The following CTNNA2 variants were observed in gnomAD, a reference collection of about 807,000 sequenced individuals.
The protein encoded by CTNNA2 is catenin alpha 2, also known as catenin alpha-2.
In CTNNA2, 42 loss-of-function variants were observed where a neutral mutation model predicts 101.0. That is an observed-to-expected ratio of 0.42 (90% CI 0.32 to 0.54). The LOEUF (loss-of-function observed/expected upper bound fraction) is 0.54, where lower values mean the gene tolerates loss of function less well. Among genes scored for constraint, CTNNA2 ranks in the 20% least tolerant of loss-of-function variants. The probability of loss-of-function intolerance (pLI) is 0.14; values close to 1 mark genes in which losing one functional copy is unlikely to be tolerated. For synonymous variants in CTNNA2, 450 were observed against 456.4 expected (o/e 0.99, Z 0.18); for missense variants, 871 against 1,223.1 (o/e 0.71, Z 4.29).
intron 2 of CTNNA2, among the ~76,000 whole-genome samples, chr2:79,208,428 G>T (rs1674128246): frequency 6.6e-6 from 1 of 152,128 alleles, no homozygotes; most frequent in Non-Finnish European, 1.5e-5. Flanking sequence ...TTGTTTTTCA[G>T]CTAAATCTAT....
chr2:79,943,084 G>T (rs1163043546), intron 7 of CTNNA2, among the ~76,000 whole-genome samples: 3 of 152,098 alleles, frequency 2.0e-5, no homozygotes, highest in Non-Finnish European at 1.5e-5. Flanking sequence ...GGGCATTGTG[G>T]CACGTGCCTG....
intron 1 of CTNNA2, among the ~76,000 whole-genome samples, chr2:79,634,023 G>A (rs551207017): frequency 6.6e-6 from 1 of 152,318 alleles, no homozygotes; most frequent in East Asian, 1.9e-4. Context: ...AATCATTTTA[G>A]TGCTAAAGGG....
At chr2:79,797,798 A>G (rs902372260) in intron 3 of CTNNA2, among the ~76,000 whole-genome samples, 2 of 152,062 alleles carry the variant, frequency 1.3e-5, no homozygotes, top group Non-Finnish European at 2.9e-5. Flanking sequence ...AATATGTTCC[A>G]GTTTCCTTAT....
At chr2:79,432,453 G>T (rs1678668459) in intron 4 of CTNNA2, among the ~76,000 whole-genome samples, 1 of 152,140 alleles carries the variant, frequency 6.6e-6, no homozygotes, top group Non-Finnish European at 1.5e-5. Flanking sequence ...TAATTATCTA[G>T]ATTTATGTTA....
intron 9 of CTNNA2, among the ~76,000 whole-genome samples, chr2:80,508,606 C>G (rs1688461344): frequency 6.6e-6 from 1 of 151,144 alleles, no homozygotes; most frequent in Non-Finnish European, 1.5e-5. Flanking sequence ...TGGATCAACT[C>G]TTATCAGACC....
In CTNNA2 at chr2:79,744,351, G is replaced by A. The variant is rs17017796; in HGVS notation, c.103-36G>A. 11,548 of 1,552,530 alleles carry A rather than the reference G, an allele frequency of 7.4e-3. 705 individuals are homozygous for A. The African/African-American group carries it at 0.14, about 19-fold the overall frequency. On this transcript the variant is annotated intron_variant, in intron 2 of 18. Transcript: ENST00000402739. ...TAACATGACATTTCTAGACAGTTTTGCAAAGAAGTTTTACAGTTTCTCTTT... is the reference window on the plus strand; with the variant it reads ...TAACATGACATTTCTAGACAGTTTTACAAAGAAGTTTTACAGTTTCTCTTT...
rs76064860 is a variant in CTNNA2 at position 79,522,371 on chromosome 2, G to A, written c.-6+9164G>A. Among the ~76,000 whole-genome samples the A allele has an allele frequency of 5.6e-3, 846 of 152,268 alleles. 10 individuals are homozygous for A. The highest frequency in any genetic ancestry group is 0.019 in the African/African-American group (800 of 41,558). ...CTGTTTTGAGGGGCACGGTCCTGGA[G>A]CCATACGTGAGTAAGACACAGTGCC... On this transcript the variant is annotated intron_variant, in intron 1 of 18. Transcript: ENST00000402739.
At chr2:80,312,743 A>AT (rs1327210200) in intron 7 of CTNNA2, among the ~76,000 whole-genome samples, 1 of 152,176 alleles carries the variant, frequency 6.6e-6, no homozygotes, top group African/African-American at 2.4e-5. Flanking sequence ...GTTTTATAGA[A>AT]TTTTACAGAT....
chr2:79,269,807 A>G (rs1423641567), intron 2 of CTNNA2, among the ~76,000 whole-genome samples: 1 of 152,120 alleles, frequency 6.6e-6, no homozygotes, highest in African/African-American at 2.4e-5. Context: ...GGCAAGAACT[A>G]TATTTTCTTC....
At chr2:79,280,632 T>C (rs1675340842) in intron 2 of CTNNA2, among the ~76,000 whole-genome samples, 1 of 140,174 alleles carries the variant, frequency 7.1e-6, no homozygotes, top group African/African-American at 2.9e-5. Context: ...GCTGTGTGTG[T>C]GTGTGTGTGT....
chr2:79,695,743 A>T (rs1684613897), intron 2 of CTNNA2, among the ~76,000 whole-genome samples: 1 of 152,006 alleles, frequency 6.6e-6, no homozygotes, highest in African/African-American at 2.4e-5. Flanking sequence ...TTAGAGAAGA[A>T]AGGTTAATGG....
At chr2:79,522,295 G>T (rs1243900291) in intron 1 of CTNNA2, among the ~76,000 whole-genome samples, 1 of 152,078 alleles carries the variant, frequency 6.6e-6, no homozygotes, top group Non-Finnish European at 1.5e-5. Context: ...CAGATTTCTG[G>T]TCATATGTAA....
intron 2 of CTNNA2, among the ~76,000 whole-genome samples, chr2:79,718,193 C>T (rs981961451): frequency 6.6e-6 from 1 of 152,158 alleles, no homozygotes; most frequent in East Asian, 1.9e-4. Context: ...TTTGATACGA[C>T]TTTTATTACT....
chr2:79,986,160 CTT>C (rs914232727), intron 7 of CTNNA2, among the ~76,000 whole-genome samples: 1 of 152,168 alleles, frequency 6.6e-6, no homozygotes, highest in African/African-American at 2.4e-5. Flanking sequence ...GTCAAGACCT[CTT>C]TAAGTTTTCA....
chr2:79,325,921 T>C (rs1042337950), intron 3 of CTNNA2, among the ~76,000 whole-genome samples: 1 of 152,178 alleles, frequency 6.6e-6, no homozygotes, highest in Non-Finnish European at 1.5e-5. Flanking sequence ...TGTGGGTGTG[T>C]GAAATGTTTA....
chr2:79,721,115 G>C (rs1237395567), intron 2 of CTNNA2, among the ~76,000 whole-genome samples: 1 of 151,390 alleles, frequency 6.6e-6, no homozygotes, highest in Non-Finnish European at 1.5e-5. Context: ...CAACCATTAA[G>C]CTCAGTTCAT....
At chr2:79,984,084 T>G (rs1691584838) in intron 7 of CTNNA2, among the ~76,000 whole-genome samples, 1 of 152,216 alleles carries the variant, frequency 6.6e-6, no homozygotes, top group Non-Finnish European at 1.5e-5. Flanking sequence ...TTATGAAGAC[T>G]TGCTACACAA....
intron 8 of CTNNA2, among the ~76,000 whole-genome samples, chr2:80,403,504 A>G (rs1678770337): frequency 6.6e-6 from 1 of 152,218 alleles, no homozygotes; most frequent in East Asian, 1.9e-4. Flanking sequence ...TGGGCTTTTT[A>G]TGGCATTCCG....
chr2:79,522,391 A>G (rs1368129870), intron 1 of CTNNA2, among the ~76,000 whole-genome samples: 1 of 152,204 alleles, frequency 6.6e-6, no homozygotes, highest in Admixed American at 6.5e-5. Context: ...AGTAAGACAC[A>G]GTGCCTTGTC....
Sources: allele counts gnomAD v4.1 joint callset (sites outside exome capture counted in the v4.1 genomes callset), GRCh38; gene constraint gnomAD v4.1.1; transcripts MANE v1.5; gene names NCBI Gene and HGNC (gene_info 2026-07-23, HGNC 2026-07-21).